The following SPATA31F1 variants were observed in gnomAD, a reference collection of about 807,000 sequenced individuals.
SPATA31F1 encodes SPATA31 subfamily F member 1.
chr9:34,723,083 G>T, the SPATA31F1 span: 1 of 880,952 alleles, frequency 1.1e-6, no homozygotes, highest in Non-Finnish European at 1.7e-6. Context: ...TATTTCTAGT[G>T]GCATCTGTCC....
At chr9:34,725,799 G>A in the SPATA31F1 span, 1 of 1,548,998 alleles carries the variant, frequency 6.5e-7, no homozygotes, top group African/African-American at 1.4e-5. Flanking sequence ...GAAGTTTTAG[G>A]GAGCAGTTGG....
At chr9:34,727,772 A>T in the SPATA31F1 span, among the ~76,000 whole-genome samples, 1 of 152,226 alleles carries the variant, frequency 6.6e-6, no homozygotes, top group South Asian at 2.1e-4. Flanking sequence ...TTTATGAATT[A>T]TACACTAGTA....
the SPATA31F1 span, chr9:34,724,917 T>A: frequency 1.3e-6 from 2 of 1,550,886 alleles, no homozygotes; most frequent in Non-Finnish European, 1.7e-6. Flanking sequence ...CGTAAAGTTG[T>A]CTCCAGTTTC....
the SPATA31F1 span, chr9:34,726,852 A>G: frequency 5.2e-6 from 8 of 1,551,848 alleles, no homozygotes; most frequent in Non-Finnish European, 7.0e-6. Flanking sequence ...AATGGCCCCG[A>G]TAAAGTCAGG....
At chr9:34,723,184 G>A in the SPATA31F1 span, 739,554 of 1,518,310 alleles carry the variant, frequency 0.49, 186,628 homozygotes, top group East Asian at 0.57. Context: ...GGCTCTGCAT[G>A]TTCTCCTTGA....
the SPATA31F1 span, chr9:34,726,936 G>C: frequency 6.4e-7 from 1 of 1,551,592 alleles, no homozygotes; most frequent in Non-Finnish European, 8.7e-7. Context: ...TGGCAGCAGG[G>C]ATCTGCACAC....
the SPATA31F1 span, chr9:34,724,794 T>G: frequency 2.6e-6 from 4 of 1,551,492 alleles, no homozygotes; most frequent in East Asian, 9.8e-5. Context: ...TCCACGGGAC[T>G]AGGCTCCATC....
chr9:34,729,377 G>A, the SPATA31F1 span: 1 of 1,551,648 alleles, frequency 6.4e-7, no homozygotes, highest in Non-Finnish European at 8.7e-7. Flanking sequence ...TGGAGCCATA[G>A]ATGTATAAGG....
the SPATA31F1 span, chr9:34,723,056 C>A: frequency 1.3e-6 from 1 of 763,314 alleles, no homozygotes. Context: ...CAATGTATTG[C>A]TGAGAAATAT....
At chr9:34,723,582 G>C in the SPATA31F1 span, 2 of 1,551,758 alleles carry the variant, frequency 1.3e-6, no homozygotes, top group African/African-American at 1.4e-5. Context: ...TTAATATGCT[G>C]CAGAAAACAT....
chr9:34,723,263 G>A, the SPATA31F1 span: 2 of 1,551,758 alleles, frequency 1.3e-6, no homozygotes, highest in Middle Eastern at 1.7e-4. Flanking sequence ...GTTGGCACAA[G>A]CCTCTCGAGG....
the SPATA31F1 span, chr9:34,728,107 T>A: frequency 6.5e-7 from 1 of 1,549,706 alleles, no homozygotes; most frequent in Non-Finnish European, 8.7e-7. Flanking sequence ...GACAGTGTTA[T>A]ATGGCATGGG....
chr9:34,726,956 C>T, the SPATA31F1 span: 11 of 1,550,942 alleles, frequency 7.1e-6, no homozygotes, highest in Middle Eastern at 5.0e-4. Flanking sequence ...CAGGATTCGC[C>T]GCACACTTCT....
the SPATA31F1 span, chr9:34,723,205 G>A: frequency 3.2e-6 from 5 of 1,544,130 alleles, no homozygotes; most frequent in South Asian, 2.4e-5. Context: ...GCGGACCAAT[G>A]TTTCTATCTG....
chr9:34,728,158 C>A, the SPATA31F1 span: 1 of 1,324,642 alleles, frequency 7.5e-7, no homozygotes, highest in Non-Finnish European at 1.0e-6. Context: ...AATAGTAAGG[C>A]CTTTGACTCT....
the SPATA31F1 span, chr9:34,725,002 C>T: frequency 5.2e-6 from 8 of 1,551,938 alleles, no homozygotes; most frequent in Admixed American, 1.6e-4. Context: ...CCTGTTGCTG[C>T]TGATCAAGGG....
the SPATA31F1 span, chr9:34,729,387 G>A: frequency 6.4e-7 from 1 of 1,551,320 alleles, no homozygotes; most frequent in South Asian, 1.2e-5. Flanking sequence ...GATGTATAAG[G>A]GATATCCAAC....
chr9:34,723,459 C>T, the SPATA31F1 span: 10 of 1,551,830 alleles, frequency 6.4e-6, no homozygotes, highest in Non-Finnish European at 8.7e-6. Context: ...CTTCTCCCCA[C>T]AGGGCTCTTG....
the SPATA31F1 span, chr9:34,723,248 G>A: frequency 1.3e-6 from 2 of 1,551,548 alleles, no homozygotes; most frequent in South Asian, 1.2e-5. Flanking sequence ...TGGGTGCCCT[G>A]GTTTGTTGGC....
Sources: gnomAD v4.1 joint callset for allele counts (sites outside exome capture counted in the v4.1 genomes callset) on GRCh38, gnomAD v4.1.1 for gene constraint, MANE v1.5 for transcripts, NCBI Gene and HGNC (gene_info 2026-07-23, HGNC 2026-07-21) for gene names.